Variants in NOMO1 observed in about 807,000 individuals in gnomAD.
The protein encoded by NOMO1 is NODAL modulator 1.
Under a neutral mutation model 133.8 loss-of-function variants are expected in NOMO1, and 40 were observed. The ratio of observed to expected loss-of-function variants is 0.30; its 90% confidence interval spans 0.23 to 0.39. The LOEUF (loss-of-function observed/expected upper bound fraction) is 0.39. NOMO1 is among the 10% of genes least tolerant of loss of function. The pLI is 1.00. For missense variants in NOMO1, 462 were observed against 1,419.9 expected, an observed-to-expected ratio of 0.33 and a Z score of 10.84; for synonymous variants, 236 against 570.5, an observed-to-expected ratio of 0.41 and a Z score of 8.36.
intron 12 of NOMO1, among the ~76,000 whole-genome samples, 169 bp from the exon 13 acceptor site, chr16:14,864,416 A>C (rs1963961102): frequency 6.6e-6 from 1 of 152,002 alleles, no homozygotes; most frequent in African/African-American, 2.4e-5. Flanking sequence ...TGCTTACTTC[A>C]CACAAGTTAT....
intron 26 of NOMO1, among the ~76,000 whole-genome samples, chr16:14,883,196 ACT>A (rs957334106): frequency 6.6e-6 from 1 of 151,904 alleles, no homozygotes; most frequent in Non-Finnish European, 1.5e-5. Flanking sequence ...TTACTGAGTA[ACT>A]CTCATTGGGA....
intron 24 of NOMO1, 67 bp from the exon 25 acceptor site, chr16:14,881,477 G>C: frequency 6.2e-7 from 1 of 1,608,346 alleles, no homozygotes; most frequent in Non-Finnish European, 8.5e-7. Flanking sequence ...GTTGGTAAAC[G>C]GGAAACACTT....
At chr16:14,862,915 A>G in intron 11 of NOMO1, 98 bp from the exon 12 acceptor site, 4 of 1,551,792 alleles carry the variant, frequency 2.6e-6, no homozygotes, top group South Asian at 2.3e-5. Flanking sequence ...ATTCTCAGGA[A>G]CAAGGGCTGG....
intron 16 of NOMO1, among the ~76,000 whole-genome samples, chr16:14,871,413 G>A (rs1001589031): frequency 6.6e-6 from 1 of 152,054 alleles, no homozygotes; most frequent in African/African-American, 2.4e-5. Context: ...GCCTGTGATC[G>A]CGCCATTGCA....
At chr16:14,887,119 A>G (rs1964337207) in intron 28 of NOMO1, among the ~76,000 whole-genome samples, 1 of 152,144 alleles carries the variant, frequency 6.6e-6, no homozygotes, top group Non-Finnish European at 1.5e-5. Context: ...AGCCACTGCT[A>G]ACACGGTGAT....
intron 22 of NOMO1, among the ~76,000 whole-genome samples, chr16:14,877,521 T>G (rs1160523924): frequency 6.6e-6 from 1 of 151,782 alleles, no homozygotes; most frequent in African/African-American, 2.4e-5. Context: ...GAAATGTTTG[T>G]ATCATAAATA....
chr16:14,858,663 C>T (rs1299224074), intron 11 of NOMO1, among the ~76,000 whole-genome samples: 1 of 152,130 alleles, frequency 6.6e-6, no homozygotes, highest in Non-Finnish European at 1.5e-5. Context: ...AACCCCATAG[C>T]ACCTCCTCAC....
intron 22 of NOMO1, among the ~76,000 whole-genome samples, chr16:14,877,804 T>C (rs1308850362): frequency 1.4e-5 from 2 of 147,398 alleles, no homozygotes; most frequent in African/African-American, 2.5e-5. Flanking sequence ...TTTATGGGAC[T>C]GTAAGTGGTT....
intron 1 of NOMO1, among the ~76,000 whole-genome samples, chr16:14,835,719 C>G (rs1477108789): frequency 1.3e-5 from 2 of 151,744 alleles, no homozygotes; most frequent in Non-Finnish European, 2.9e-5. Context: ...CATCCTGTGT[C>G]CTGATTGTAC....
rs1964092190 is a variant in NOMO1 at position 14,872,277 on chromosome 16, G to A, written c.2002G>A (p.Val668Ile). Residue 668 changes from valine (V) to isoleucine (I), a missense_variant, in exon 18 of 31, where the codon GTC becomes ATC. Transcript: ENST00000287667. ...ILTLTAIRHH[V>I]LGTITTDKMM... is the part of the protein sequence containing the mutation. ...GACATTGACAGCCATTCGCCACCAT[G>A]TCCTTGGAACTATCACCACCGACAA... 2 of 958,750 alleles carry A rather than the reference G, an allele frequency of 2.1e-6. No homozygotes were observed. The highest frequency in any genetic ancestry group is 3.3e-6 in the Non-Finnish European group (2 of 612,876). 59.4% of individuals were successfully genotyped at this position (958,750 alleles called of 1,614,324 possible). A position where few individuals can be genotyped will look rare whatever the true frequency, so the allele number is the denominator to read the frequency against.
chr16:14,867,102 A>G (rs1396725470), intron 15 of NOMO1, among the ~76,000 whole-genome samples: 2 of 108,682 alleles, frequency 1.8e-5, no homozygotes, highest in Admixed American at 2.3e-4. Flanking sequence ...TTAGGTATCA[A>G]AGTGTCCTTG....
At chr16:14,846,330 C>T (rs1490326946) in intron 4 of NOMO1, among the ~76,000 whole-genome samples, 2 of 150,740 alleles carry the variant, frequency 1.3e-5, no homozygotes, top group Non-Finnish European at 2.9e-5. Context: ...CCCGCCCAGA[C>T]CAATAATGGT....
Position 14,833,731 on chromosome 16 carries a change from G to C in NOMO1, c.-121G>C. Reference sequence around the variant, plus strand: ...GCGCGCGTGCGCGGCGGCTCTGGCGGCGGCGGTGGGGCGGGGCCTGGGCTG... The same window carrying C: ...GCGCGCGTGCGCGGCGGCTCTGGCGCCGGCGGTGGGGCGGGGCCTGGGCTG... On this transcript the variant is annotated 5_prime_UTR_variant, in exon 1 of 31. Transcript: ENST00000287667. 8.8e-7 allele frequency: 1 copy of C among 1,138,672 alleles called. No homozygotes were observed. Among genetic ancestry groups the C allele is most frequent in the East Asian group, 3.4e-5 (1 of 29,790 alleles). 70.5% of individuals were successfully genotyped at this position (1,138,672 alleles called of 1,614,324 possible).
rs557630831 is a variant in NOMO1 at position 14,873,741 on chromosome 16, C to T, written c.2055-1295C>T. On this transcript the variant is annotated intron_variant, in intron 18 of 30. Coordinates refer to ENST00000287667, the MANE Select transcript of NOMO1 (RefSeq NM_014287.4). The stretch of plus-strand genomic sequence containing the variant: ...GGGTGTTTGTGTTGCTTGCTTGTGC[C>T]GGAGGTTGTATGGAATGCATCTTCC... Among the ~76,000 whole-genome samples the T allele has an allele frequency of 2.1e-3, 316 of 151,834 alleles. 1 individual carries two copies. Among genetic ancestry groups the T allele is most frequent in the African/African-American group, 6.3e-3 (258 of 41,248 alleles).
At chr16:14,838,217 A>T (rs1360974373) in intron 1 of NOMO1, among the ~76,000 whole-genome samples, 190 bp from the exon 2 acceptor site, 1 of 152,046 alleles carries the variant, frequency 6.6e-6, no homozygotes, top group Non-Finnish European at 1.5e-5. Flanking sequence ...TAATCTGAAA[A>T]ACATTGAGTC....
intron 26 of NOMO1, among the ~76,000 whole-genome samples, chr16:14,883,974 G>A (rs1361853831): frequency 4.0e-5 from 6 of 149,004 alleles, no homozygotes; most frequent in Non-Finnish European, 7.4e-5. Context: ...TAATTCAAAC[G>A]TAGAAAAAAA....
At chr16:14,835,942 C>G (rs1963500312) in intron 1 of NOMO1, among the ~76,000 whole-genome samples, 1 of 151,742 alleles carries the variant, frequency 6.6e-6, no homozygotes, top group African/African-American at 2.4e-5. Context: ...GTGAACAGAA[C>G]AGACAAAACT....
intron 1 of NOMO1, among the ~76,000 whole-genome samples, chr16:14,835,927 G>C (rs1279672610): frequency 1.3e-5 from 2 of 151,708 alleles, no homozygotes; most frequent in Non-Finnish European, 2.9e-5. Flanking sequence ...GGATATAGCA[G>C]TACAGTGAAC....
Position 14,864,905 on chromosome 16 carries a change from C to T in NOMO1, c.1538-119C>T, listed in dbSNP as rs562369344. On this transcript the variant is annotated intron_variant, in intron 13 of 30. Coordinates refer to ENST00000287667, the MANE Select transcript of NOMO1 (RefSeq NM_014287.4). ...TTGAAAGAAGCACTCCGTCTGCCTCCGGCCACTGCCTCTTAGGAGCTCAGC... is the reference window on the plus strand; with the variant it reads ...TTGAAAGAAGCACTCCGTCTGCCTCTGGCCACTGCCTCTTAGGAGCTCAGC... The T allele has an allele frequency of 1.2e-4, 170 of 1,407,604 alleles. 2 individuals are homozygous for T. In the East Asian group the frequency reaches 3.4e-3, roughly 28 times the overall value. 87.2% of individuals were successfully genotyped at this position (1,407,604 alleles called of 1,614,324 possible).
Sources: allele counts gnomAD v4.1 joint callset (sites outside exome capture counted in the v4.1 genomes callset), GRCh38; gene constraint gnomAD v4.1.1; transcripts MANE v1.5; gene names NCBI Gene and HGNC (gene_info 2026-07-23, HGNC 2026-07-21).